Variants in CPS1 observed in about 807,000 individuals in gnomAD.
CPS1 encodes the protein carbamoyl-phosphate synthase 1.
CPS1 carries 109 observed loss-of-function variants against 174.6 expected under a neutral mutation model. That is an observed-to-expected ratio of 0.62 (90% CI 0.53 to 0.73). The LOEUF is 0.73. Ranked by LOEUF, CPS1 falls within the 30% of genes least tolerant of loss-of-function variation. The pLI, the probability that CPS1 is intolerant of heterozygous loss-of-function variation, is 0.00. For synonymous variants in CPS1, 637 were observed against 632.0 expected, an observed-to-expected ratio of 1.01 and a Z score of -0.12; for missense variants, 1,689 against 1,821.9, an observed-to-expected ratio of 0.93 and a Z score of 1.33.
intron 30 of CPS1, 61 bp downstream of exon 30, chr2:210,656,693 G>T (rs796674620): frequency 1.1e-4 from 93 of 879,388 alleles, no homozygotes; most frequent in African/African-American, 4.6e-4. Context: ...AACACCTAAG[G>T]TTTTTTTTTT....
chr2:210,511,402 G>A lies in CPS1; in HGVS notation c.3+33636G>A, dbSNP rs190170679. Reference sequence around the variant, plus strand: ...TGTTGTGGGGTGGGGGTAGCGGGTAGGGAGAGCATTAGGAGATATACCTAA... The same window carrying A: ...TGTTGTGGGGTGGGGGTAGCGGGTAAGGAGAGCATTAGGAGATATACCTAA... On this transcript the variant is annotated intron_variant, in intron 1 of 38. Transcript: ENST00000430249. 3.9e-5 allele frequency among the ~76,000 whole-genome samples: 6 copies of A among 152,160 alleles called. No individual in the cohort carries two copies. In the East Asian group the frequency reaches 1.2e-3, roughly 29 times the overall value.
intron 5 of CPS1, 42 bp downstream of exon 5, chr2:210,579,812 G>A: frequency 7.9e-7 from 1 of 1,260,546 alleles, no homozygotes; most frequent in Non-Finnish European, 1.1e-6. Context: ...TTCTTCGGGT[G>A]TGTGTGTGTG....
chr2:210,499,415 GGGGAGAGCACAATTCCA>G lies in CPS1; in HGVS notation c.3+21651_3+21667del, dbSNP rs1695083585. Among the ~76,000 whole-genome samples the G allele has an allele frequency of 2.6e-5, 4 of 152,106 alleles. 1 individual carries two copies. Among genetic ancestry groups the G allele is most frequent in the Admixed American group, 2.6e-4 (4 of 15,266 alleles). On this transcript the variant is annotated intron_variant, in intron 1 of 38. Transcript: ENST00000430249. ...TTCCTCCAGCTCCAGGCCTGTGACA[GGGGAGAGCACAATTCCA>G]GTGCCTACTGATGAGGCACTTTCTG...
intron 1 of CPS1, among the ~76,000 whole-genome samples, chr2:210,504,762 A>G (rs1477765335): frequency 6.6e-6 from 1 of 152,216 alleles, no homozygotes; most frequent in Non-Finnish European, 1.5e-5. Flanking sequence ...GTTCTACCCC[A>G]TGCTGGAGGA....
intron 1 of CPS1, among the ~76,000 whole-genome samples, chr2:210,538,209 T>C (rs1035367726): frequency 6.6e-6 from 1 of 152,178 alleles, no homozygotes; most frequent in Non-Finnish European, 1.5e-5. Context: ...TGTTCTAATA[T>C]GTTCTTCAAG....
chr2:210,557,136 TC>T (rs1290226574), intron 1 of CPS1, among the ~76,000 whole-genome samples: 2 of 152,184 alleles, frequency 1.3e-5, no homozygotes, highest in South Asian at 4.1e-4. Context: ...AAACATCTTT[TC>T]TTTCATAGAT....
chr2:210,605,304 C>T (rs1698870306), intron 17 of CPS1, 58 bp downstream of exon 17: 1 of 1,582,248 alleles, frequency 6.3e-7, no homozygotes, highest in Non-Finnish European at 8.7e-7. Flanking sequence ...CTTTGATGGC[C>T]AAGGCAGTCT....
chr2:210,604,906 C>G, intron 16 of CPS1, 196 bp from the exon 17 acceptor site: 1 of 591,998 alleles, frequency 1.7e-6, no homozygotes, highest in African/African-American at 1.9e-5. Flanking sequence ...GTAAATCAAG[C>G]ATATTCACTG....
At chr2:210,548,696 C>T (rs1574511471) in intron 1 of CPS1, among the ~76,000 whole-genome samples, 1 of 151,422 alleles carries the variant, frequency 6.6e-6, no homozygotes, top group African/African-American at 2.4e-5. Context: ...TTTTTTTTCC[C>T]CTCTCCAGAT....
chr2:210,562,633 A>G (rs538340053), intron 1 of CPS1, among the ~76,000 whole-genome samples: 105 of 152,284 alleles, frequency 6.9e-4, no homozygotes, highest in African/African-American at 2.4e-3. Context: ...ATTTTTTAAG[A>G]GGATGAGTAC....
Position 210,506,108 on chromosome 2 carries a change from G to A in CPS1, c.3+28342G>A, listed in dbSNP as rs186924192. Among the ~76,000 whole-genome samples, 877 of 152,226 alleles carry A rather than the reference G, an allele frequency of 5.8e-3. 4 individuals are homozygous for A. Among genetic ancestry groups the A allele is most frequent in the Non-Finnish European group, 9.3e-3 (633 of 68,016 alleles). On this transcript the variant is annotated intron_variant, in intron 1 of 38. Transcript: ENST00000430249. ...CCTCCTCAAGTGGGTGCTGACCCCC[G>A]AATAGCCTAACTGGGAGGCACTCCA...
chr2:210,641,180 G>A (rs1700212243), intron 24 of CPS1, among the ~76,000 whole-genome samples: 1 of 152,156 alleles, frequency 6.6e-6, no homozygotes, highest in Admixed American at 6.5e-5. Flanking sequence ...GGAATGCAGT[G>A]GTATGATCAT....
chr2:210,598,569 C>T (rs535784020), intron 13 of CPS1, among the ~76,000 whole-genome samples: 2 of 151,844 alleles, frequency 1.3e-5, no homozygotes, highest in East Asian at 3.9e-4. Context: ...ATCCTAATTT[C>T]AGAAAAAACA....
intron 15 of CPS1, among the ~76,000 whole-genome samples, chr2:210,601,821 C>G (rs929686370): frequency 1.3e-5 from 2 of 151,828 alleles, no homozygotes; most frequent in Non-Finnish European, 2.9e-5. Context: ...CAGCAGAGAA[C>G]CTGGTTTCAT....
intron 1 of CPS1, among the ~76,000 whole-genome samples, chr2:210,490,906 T>C (rs1574463376): frequency 6.6e-6 from 1 of 152,308 alleles, no homozygotes; most frequent in African/African-American, 2.4e-5. Flanking sequence ...CTGTTTCTGC[T>C]TCAGAAGACT....
At position 210,647,976 on chromosome 2, in the gene CPS1, G is replaced by T; in HGVS notation, c.3255G>T (p.Arg1085Ser). The T allele has an allele frequency of 6.2e-7, 1 of 1,614,062 alleles. No individual in the cohort carries two copies. The highest frequency in any genetic ancestry group is 8.5e-7 in the Non-Finnish European group (1 of 1,179,958). Residue 1085 changes from arginine (R) to serine (S), a missense_variant, in exon 26 of 38, where the codon AGG becomes AGT. Arg to Ser is a moderately radical substitution (Grantham distance 110, BLOSUM62 -1). Coordinates refer to ENST00000233072, the MANE Select transcript of CPS1 (RefSeq NM_001875.5). Reference sequence around the variant, plus strand: ...GCACAAGCCCCCTGCAGATCGACAGGGCTGAGGATCGCTCCATCTTCTCAG... The same window carrying T: ...GCACAAGCCCCCTGCAGATCGACAGTGCTGAGGATCGCTCCATCTTCTCAG... The part of the protein sequence containing the change: ...IMGTSPLQID[R>S]AEDRSIFSAV...
chr2:210,662,932 A>G (rs925726122), intron 32 of CPS1, among the ~76,000 whole-genome samples, 191 bp from the exon 33 acceptor site: 2 of 152,242 alleles, frequency 1.3e-5, no homozygotes, highest in African/African-American at 4.8e-5. Flanking sequence ...CAAGAGCTCA[A>G]GAAATTCTTG....
chr2:210,508,850 T>C (rs1695365613), intron 1 of CPS1, among the ~76,000 whole-genome samples: 2 of 152,184 alleles, frequency 1.3e-5, no homozygotes, highest in African/African-American at 2.4e-5. Flanking sequence ...AATCTCTGAA[T>C]AGACCGATAA....
At chr2:210,480,302 C>A (rs62203675) in intron 1 of CPS1, among the ~76,000 whole-genome samples, 64,267 of 152,018 alleles carry the variant, frequency 0.42, 15,198 homozygotes, top group East Asian at 0.61. Context: ...GATTTAGTCA[C>A]TTGGCCACCT....
Sources: gnomAD v4.1 joint callset for allele counts (sites outside exome capture counted in the v4.1 genomes callset) on GRCh38, gnomAD v4.1.1 for gene constraint, MANE v1.5 for transcripts, NCBI Gene and HGNC (gene_info 2026-07-23, HGNC 2026-07-21) for gene names.